Variants in ROBO3 observed in about 807,000 individuals in gnomAD.
ROBO3 encodes roundabout guidance receptor 3.
ROBO3 carries 97 observed loss-of-function variants against 160.5 expected under a neutral mutation model. The ratio of observed to expected loss-of-function variants is 0.60; its 90% CI spans 0.51 to 0.72. ROBO3 has a LOEUF of 0.72. Among genes scored for constraint, ROBO3 ranks in the 30% least tolerant of loss-of-function variants. ROBO3 has a pLI of 0.00. For synonymous variants in ROBO3, 780 were observed against 746.2 expected (o/e 1.05, Z -0.74); for missense variants, 1,858 against 1,846.5 (o/e 1.01, Z -0.11).
chr11:124,881,103 C>A, intron 27 of ROBO3, 136 bp from the exon 28 acceptor site: 1 of 786,338 alleles, frequency 1.3e-6, no homozygotes, highest in South Asian at 1.6e-5. Flanking sequence ...GGGGTGAGGA[C>A]AAGATGACAC....
At position 124,878,413 on chromosome 11, in the gene ROBO3, G is replaced by A; in HGVS notation, c.3297G>A (p.Gly1099=). The change falls in exon 22 of 28, where the codon GGG becomes GGA. Residue 1099 remains glycine (G), a synonymous_variant. Coordinates refer to ENST00000397801, the MANE Select transcript of ROBO3 (RefSeq NM_022370.4). The surrounding 1 kb of genome is among the most constrained non-coding windows in gnomAD (Gnocchi z 4.3). ...CTTGTGAACTGAGCTGCCTAGAAGG[G>A]CCGGAGGAGGAGCTGGAGGGCAGGT... ...PPSCELSCLE[G]PEEELEGSSE... 2 of 1,613,760 alleles carry A rather than the reference G, an allele frequency of 1.2e-6. No homozygotes were observed. Among genetic ancestry groups the A allele is most frequent in the South Asian group, 1.1e-5 (1 of 91,072 alleles).
chr11:124,880,637 G>A (rs2135351663), intron 27 of ROBO3, 29 bp downstream of exon 27: 2 of 1,506,460 alleles, frequency 1.3e-6, no homozygotes, highest in Non-Finnish European at 1.8e-6. Flanking sequence ...AGAAAAATGA[G>A]GGCAGAGGAC....
In ROBO3 at chr11:124,865,532, G is replaced by A. The variant is rs1193945017; in HGVS notation, c.-46G>A. 2 of 1,594,454 alleles carry A rather than the reference G, an allele frequency of 1.3e-6. No homozygotes were observed. The highest frequency in any genetic ancestry group is 1.3e-5 in the African/African-American group (1 of 74,636). ...CCCAGCCCACGGGTCTCAGACCCAG[G>A]GGCTGGGCCCCCAGCCCCCAGTCCC... is the stretch of plus-strand genomic sequence containing the variant. On this transcript the variant is annotated 5_prime_UTR_variant, in exon 1 of 28. Coordinates refer to ENST00000397801, the MANE Select transcript of ROBO3 (RefSeq NM_022370.4). The surrounding 1 kb of genome is among the most constrained non-coding windows in gnomAD (Gnocchi z 5.5).
Position 124,865,566 on chromosome 11 carries a change from C to T in ROBO3, c.-12C>T, listed in dbSNP as rs1565306703. 1.2e-6 allele frequency: 2 copies of T among 1,610,064 alleles called. No homozygotes were observed. Among genetic ancestry groups the T allele is most frequent in the South Asian group, 1.1e-5 (1 of 90,556 alleles). ...CCCCAGCCCCCAGTCCCGATCCCAG[C>T]TGGGTCGAGCCATGCTGCGCTACCT... On this transcript the variant is annotated 5_prime_UTR_variant, in exon 1 of 28. Transcript: ENST00000397801. This position sits in a 1 kb window ranked among gnomAD's most constrained non-coding sequence, Gnocchi z 5.5.
In ROBO3 at chr11:124,879,404, T is replaced by G. The variant is rs961711581; in HGVS notation, c.3686-61T>G. The G allele has an allele frequency of 8.1e-6, 13 of 1,607,466 alleles. No individual in the cohort carries two copies. The African/African-American group carries it at 1.6e-4, about 20-fold the overall frequency. On this transcript the variant is annotated intron_variant, in intron 24 of 27. Coordinates refer to ENST00000397801, the MANE Select transcript of ROBO3 (RefSeq NM_022370.4). The stretch of plus-strand genomic sequence containing the variant: ...TCCAGTGCTTGCTTCCCCTTCACCC[T>G]TAGGCCTTTTTCCTGATTTTTGCCC...
Position 124,869,429 on chromosome 11 carries a change from G to GGGCC in ROBO3, c.488-21_488-20insGGCC. 7.7e-7 allele frequency: 1 copy of GGGCC among 1,295,752 alleles called. No homozygotes were observed. Among genetic ancestry groups the GGGCC allele is most frequent in the African/African-American group, 1.8e-5 (1 of 56,334 alleles). The allele number at this position is 1,295,752 out of a possible 1,614,324, so 80.3% of individuals were successfully genotyped here. On this transcript the variant is annotated intron_variant, in intron 2 of 27. Transcript: ENST00000397801. The surrounding 1 kb of genome is among the most constrained non-coding windows in gnomAD (Gnocchi z 4.2). Reference sequence around the variant, plus strand: ...TGTCACTCTACACCCTGCTTATTTCGCCCCCCACCGCCCCGCCCAGTCCTC... The same window carrying GGGCC: ...TGTCACTCTACACCCTGCTTATTTCGGGCCCCCCCCACCGCCCCGCCCAGTCCTC...
rs566639714 is a variant in ROBO3 at position 124,875,501 on chromosome 11, G to C, written c.2300-63G>C. 1.3e-4 allele frequency: 213 copies of C among 1,596,902 alleles called. 1 individual carries two copies. The African/African-American group carries it at 2.6e-3, about 20-fold the overall frequency. ...TTAGAACAGGGAGGGGGAATGTTGGGGCAGGAGGGGCAGCTTGCAATGACT... is the reference window on the plus strand; with the variant it reads ...TTAGAACAGGGAGGGGGAATGTTGGCGCAGGAGGGGCAGCTTGCAATGACT... On this transcript the variant is annotated intron_variant, in intron 14 of 27. Coordinates refer to ENST00000397801, the MANE Select transcript of ROBO3 (RefSeq NM_022370.4).
In ROBO3 at chr11:124,869,446, C is replaced by CCCCGA; in HGVS notation, c.488-3_488-2insCCGAC. 6.6e-7 allele frequency: 1 copy of CCCCGA among 1,521,622 alleles called. No homozygotes were observed. Among genetic ancestry groups the CCCCGA allele is most frequent in the Non-Finnish European group, 8.9e-7 (1 of 1,119,398 alleles). The allele number at this position is 1,521,622 out of a possible 1,614,324, so 94.3% of individuals were successfully genotyped here. ...CTTATTTCGCCCCCCACCGCCCCGC[C>CCCCGA]CAGTCCTCCGTGATGATTTCCGGCA... On this transcript the variant is annotated splice_polypyrimidine_tract_variant and splice_region_variant and intron_variant, in intron 2 of 27. Coordinates refer to ENST00000397801, the MANE Select transcript of ROBO3 (RefSeq NM_022370.4). The surrounding 1 kb of genome is among the most constrained non-coding windows in gnomAD (Gnocchi z 4.2).
At chr11:124,868,417 A>C (rs1049606216) in intron 1 of ROBO3, 3 of 539,564 alleles carry the variant, frequency 5.6e-6, no homozygotes, top group Non-Finnish European at 1.0e-5. Context: ...TCCGTGAACC[A>C]GTGCAGGTGG....
Position 124,877,570 on chromosome 11 carries a change from GC to G in ROBO3, c.2902del (p.His968ThrfsTer36). 2 of 1,602,506 alleles carry G rather than the reference GC, an allele frequency of 1.2e-6. No individual in the cohort carries two copies. Among genetic ancestry groups the G allele is most frequent in the Non-Finnish European group, 1.7e-6 (2 of 1,175,104 alleles). On this transcript the variant is annotated frameshift_variant, in exon 20 of 28. Transcript: ENST00000397801. LOFTEE classifies it high-confidence loss of function. ...CCTACTCATGGCTGGCAGATTCGTG[GC>G]CCCACCCATCTCGAAGCCCCTCGGC... ...APYSWLADSW[P>X]HPSRSPSAQE...
rs558412030 is a variant in ROBO3 at position 124,868,639 on chromosome 11, G to T, written c.161-163G>T. The T allele has an allele frequency of 1.0e-3, 781 of 766,308 alleles. 3 individuals carry two copies. Among genetic ancestry groups the T allele is most frequent in the Non-Finnish European group, 1.2e-3 (518 of 442,626 alleles). The allele number at this position is 766,308 out of a possible 1,614,324, so 47.5% of individuals were successfully genotyped here. ...GGAACGCGGAACGTCTGCCAATAAG[G>T]ACATATTGGATCCTGCAGAGGGAGA... is the stretch of plus-strand genomic sequence containing the variant. On this transcript the variant is annotated intron_variant, in intron 1 of 27. Transcript: ENST00000397801.
chr11:124,866,027 G>C (rs564903234), intron 1 of ROBO3, among the ~76,000 whole-genome samples: 55 of 152,308 alleles, frequency 3.6e-4, no homozygotes, highest in Non-Finnish European at 7.3e-4. Flanking sequence ...TGCTGGTAAC[G>C]GGCAGGGAAG....
At chr11:124,875,725 C>G (rs151220533) in intron 15 of ROBO3, 40 bp downstream of exon 15, 7 of 1,571,606 alleles carry the variant, frequency 4.5e-6, no homozygotes, top group South Asian at 1.2e-5. Flanking sequence ...AGGGCCAGGC[C>G]GGGAGGGAGA....
At position 124,868,777 on chromosome 11, in the gene ROBO3, G is replaced by T. The variant is rs199817230; in HGVS notation, c.161-25G>T. ...CTCCCCACAATTTCCCTGTCTGAAC[G>T]CTCTGCGCCACCCCCTGTCCCCAGG... is the stretch of plus-strand genomic sequence containing the variant. On this transcript the variant is annotated intron_variant, in intron 1 of 27. Coordinates refer to ENST00000397801, the MANE Select transcript of ROBO3 (RefSeq NM_022370.4). 7 of 1,586,896 alleles carry T rather than the reference G, an allele frequency of 4.4e-6. No homozygotes were observed. The African/African-American group carries it at 8.1e-5, about 18-fold the overall frequency.
At position 124,878,491 on chromosome 11, in the gene ROBO3, C is replaced by T. The variant is rs1020078517; in HGVS notation, c.3320+55C>T. The stretch of plus-strand genomic sequence containing the variant: ...ACACCTGCGGCCAGACCATGGGCTG[C>T]TGGGGAGGAAGGGGAGGGGGCAGCA... On this transcript the variant is annotated intron_variant, in intron 22 of 27. Transcript: ENST00000397801. This position sits in a 1 kb window ranked among gnomAD's most constrained non-coding sequence, Gnocchi z 4.3. 1.2e-6 allele frequency: 2 copies of T among 1,603,480 alleles called. No homozygotes were observed. Among genetic ancestry groups the T allele is most frequent in the African/African-American group, 1.3e-5 (1 of 74,650 alleles).
rs368839094 is a variant in ROBO3, at chr11:124,879,207, C to G, written c.3551C>G (p.Pro1184Arg). ...CATTGCAGGAGGGTGCCCCTTGGGC[C>G]GAGTTCCCCTCTCAGTGTATCCCAG... ...HQMPRRVPLG[P>R]SSPLSVSQPM... The change falls in exon 24 of 28, where the codon CCG becomes CGG. Residue 1184 changes from proline to arginine, a missense_variant. By Grantham distance (103) the Pro-to-Arg change is moderately radical (BLOSUM62 -2). Transcript: ENST00000397801. 57 of 1,551,702 alleles carry G rather than the reference C, an allele frequency of 3.7e-5. 1 individual carries two copies. Among genetic ancestry groups the G allele is most frequent in the Non-Finnish European group, 4.5e-5 (52 of 1,147,146 alleles).
In ROBO3 at chr11:124,877,190, C is replaced by G. The variant is rs1467586952; in HGVS notation, c.2803+6C>G. 6.2e-7 allele frequency: 1 copy of G among 1,613,842 alleles called. No individual in the cohort carries two copies. Among genetic ancestry groups the G allele is most frequent in the African/African-American group, 1.3e-5 (1 of 74,908 alleles). On this transcript the variant is annotated splice_donor_region_variant and intron_variant, in intron 18 of 27. Coordinates refer to ENST00000397801, the MANE Select transcript of ROBO3 (RefSeq NM_022370.4). The stretch of plus-strand genomic sequence containing the variant: ...TTTTGCCTACACACCGGCAGGTAAG[C>G]CATCTCTGCCCCAGTGGGGTTCAGA...
In ROBO3 at chr11:124,872,675, T is replaced by C. The variant is rs544682058; in HGVS notation, c.1330+123T>C. Reference sequence around the variant, plus strand: ...AGAGGAGAGATGTGTTCCTGAGGCATGACCTTGAAGTTTGGAAACCAGCAG... The same window carrying C: ...AGAGGAGAGATGTGTTCCTGAGGCACGACCTTGAAGTTTGGAAACCAGCAG... On this transcript the variant is annotated intron_variant, in intron 8 of 27. Coordinates refer to ENST00000397801, the MANE Select transcript of ROBO3 (RefSeq NM_022370.4). This position sits in a 1 kb window ranked among gnomAD's most constrained non-coding sequence, Gnocchi z 4.3. 3.2e-4 allele frequency: 369 copies of C among 1,135,962 alleles called. 1 individual carries two copies. The highest frequency in any genetic ancestry group is 5.5e-4 in the Admixed American group (21 of 38,490). 70.4% of individuals were successfully genotyped at this position (1,135,962 alleles called of 1,614,324 possible). A position where few individuals can be genotyped will look rare whatever the true frequency, so the allele number is the denominator to read the frequency against.
intron 26 of ROBO3, among the ~76,000 whole-genome samples, 176 bp from the exon 27 acceptor site, chr11:124,880,242 T>G (rs1468046874): frequency 1.3e-5 from 2 of 152,162 alleles, no homozygotes; most frequent in Non-Finnish European, 2.9e-5. Context: ...TGAGCACCCA[T>G]GATGTCAAGG....
Sources: gnomAD v4.1 joint callset for allele counts (sites outside exome capture counted in the v4.1 genomes callset) on GRCh38, gnomAD v4.1.1 for gene constraint, Gnocchi (gnomAD v3.1) non-coding constraint, MANE v1.5 for transcripts, NCBI Gene and HGNC (gene_info 2026-07-23, HGNC 2026-07-21) for gene names.